KHDRBS2: variants seen among roughly 807,000 people sequenced by gnomAD.
The protein encoded by KHDRBS2 is KH domain-containing, RNA-binding, signal transduction-associated protein 2.
In KHDRBS2, 26 loss-of-function variants were observed where a neutral mutation model predicts 44.3. The ratio of observed to expected loss-of-function variants is 0.59; its 90% CI spans 0.43 to 0.81. KHDRBS2 has a LOEUF of 0.81. Ranked by LOEUF, KHDRBS2 falls within the 40% of genes least tolerant of loss-of-function variation. KHDRBS2 has a pLI of 0.00. For missense variants in KHDRBS2, 476 were observed against 433.1 expected, an observed-to-expected ratio of 1.10 and a Z score of -0.88; for synonymous variants, 194 against 151.1, an observed-to-expected ratio of 1.28 and a Z score of -2.08.
chr6:61,645,310 T>C, the KHDRBS2 span, among the ~76,000 whole-genome samples: 3 of 151,910 alleles, frequency 2.0e-5, no homozygotes, highest in South Asian at 2.1e-4. Flanking sequence ...TTAGGGTCTA[T>C]CAGAGGGTGG....
At chr6:61,939,094 C>G (rs567599238) in intron 4 of KHDRBS2, among the ~76,000 whole-genome samples, 28 of 150,952 alleles carry the variant, frequency 1.9e-4, no homozygotes, top group Non-Finnish European at 4.4e-5. Context: ...ATGCTGCTAA[C>G]ATAGCCTACA....
chr6:62,166,104 A>G (rs926696387), intron 2 of KHDRBS2, among the ~76,000 whole-genome samples: 1 of 151,990 alleles, frequency 6.6e-6, no homozygotes, highest in Non-Finnish European at 1.5e-5. Flanking sequence ...AATGTGTTCA[A>G]TGTTCATCTA....
intron 3 of KHDRBS2, among the ~76,000 whole-genome samples, chr6:61,979,349 A>G (rs1419792784): frequency 2.0e-5 from 3 of 152,158 alleles, no homozygotes; most frequent in African/African-American, 7.2e-5. Flanking sequence ...ACTTCACTAA[A>G]TTTCAAAAAA....
chr6:61,919,721 A>G (rs964894435), intron 4 of KHDRBS2, among the ~76,000 whole-genome samples: 2 of 151,730 alleles, frequency 1.3e-5, no homozygotes, highest in Admixed American at 1.3e-4. Context: ...AAACCTGAAG[A>G]ACAACAACAA....
intron 6 of KHDRBS2, among the ~76,000 whole-genome samples, chr6:61,755,990 T>C (rs1778432742): frequency 6.6e-6 from 1 of 152,072 alleles, no homozygotes; most frequent in South Asian, 2.1e-4. Flanking sequence ...TTCCAGTTCA[T>C]GTATTGCTTT....
At chr6:62,051,251 A>T (rs180865676) in intron 2 of KHDRBS2, among the ~76,000 whole-genome samples, 3 of 152,200 alleles carry the variant, frequency 2.0e-5, no homozygotes, top group Admixed American at 2.0e-4. Flanking sequence ...TTGTATGCAA[A>T]TAGCATTTTA....
At chr6:62,140,656 A>T (rs2150097748) in intron 2 of KHDRBS2, among the ~76,000 whole-genome samples, 2 of 152,326 alleles carry the variant, frequency 1.3e-5, no homozygotes, top group Middle Eastern at 6.8e-3. Context: ...TCTAAAAGAG[A>T]TGTTCAAAAA....
intron 4 of KHDRBS2, among the ~76,000 whole-genome samples, chr6:61,953,642 A>G (rs545146479): frequency 4.1e-4 from 62 of 152,208 alleles, no homozygotes; most frequent in African/African-American, 1.4e-3. Flanking sequence ...AAAAATGAAG[A>G]TCTCTTTTCA....
At chr6:62,101,047 T>A (rs1801765433) in intron 2 of KHDRBS2, among the ~76,000 whole-genome samples, 1 of 152,138 alleles carries the variant, frequency 6.6e-6, no homozygotes, top group African/African-American at 2.4e-5. Context: ...TTTTAAACTC[T>A]TTTTTACAGC....
At chr6:61,592,503 G>A in the KHDRBS2 span, among the ~76,000 whole-genome samples, 7 of 152,172 alleles carry the variant, frequency 4.6e-5, no homozygotes, top group African/African-American at 1.4e-4. Context: ...CCTAGATCTC[G>A]ATAAAGGGGC....
chr6:61,993,026 G>A (rs578009404), intron 3 of KHDRBS2, among the ~76,000 whole-genome samples: 1 of 152,124 alleles, frequency 6.6e-6, no homozygotes, highest in Non-Finnish European at 1.5e-5. Flanking sequence ...CCAGGAAACT[G>A]ATATGATATT....
At chr6:61,910,593 G>T (rs976838145) in intron 4 of KHDRBS2, among the ~76,000 whole-genome samples, 3 of 152,136 alleles carry the variant, frequency 2.0e-5, no homozygotes, top group African/African-American at 7.2e-5. Flanking sequence ...TAGACATTTT[G>T]CAGGAAGATT....
the KHDRBS2 span, among the ~76,000 whole-genome samples, chr6:61,582,321 C>A: frequency 6.6e-6 from 1 of 151,082 alleles, no homozygotes; most frequent in South Asian, 2.1e-4. Context: ...CCTAGCAGGC[C>A]CATAGAAGAG....
chr6:61,969,385 T>C (rs1215881683), intron 4 of KHDRBS2, among the ~76,000 whole-genome samples: 18 of 152,058 alleles, frequency 1.2e-4, no homozygotes. Flanking sequence ...TTATAAAATA[T>C]GTTTTATGCA....
At chr6:61,981,322 A>T (rs1438784731) in intron 3 of KHDRBS2, among the ~76,000 whole-genome samples, 2 of 152,194 alleles carry the variant, frequency 1.3e-5, no homozygotes, top group Admixed American at 6.5e-5. Context: ...AGAAATTATA[A>T]AACTTTTTCT....
intron 4 of KHDRBS2, among the ~76,000 whole-genome samples, chr6:61,953,604 C>T (rs1254516744): frequency 6.6e-6 from 1 of 152,060 alleles, no homozygotes; most frequent in Non-Finnish European, 1.5e-5. Flanking sequence ...TTAAGTATAG[C>T]TCTCTGAAAC....
chr6:61,794,467 T>C (rs1785040614), intron 6 of KHDRBS2, among the ~76,000 whole-genome samples: 1 of 152,220 alleles, frequency 6.6e-6, no homozygotes, highest in Non-Finnish European at 1.5e-5. Context: ...TTTGTACGTT[T>C]TAGTGGTGGA....
intron 2 of KHDRBS2, among the ~76,000 whole-genome samples, chr6:62,104,012 G>T (rs1802537567): frequency 6.6e-6 from 1 of 152,104 alleles, no homozygotes; most frequent in South Asian, 2.1e-4. Context: ...GGGAAATACA[G>T]ATATACATAA....
intron 8 of KHDRBS2, among the ~76,000 whole-genome samples, chr6:61,693,832 C>T (rs1029034671): frequency 2.0e-5 from 3 of 152,210 alleles, no homozygotes; most frequent in East Asian, 3.9e-4. Flanking sequence ...ATATAAGACT[C>T]GGGATTATAG....
Sources: gnomAD v4.1 joint callset for allele counts (sites outside exome capture counted in the v4.1 genomes callset) on GRCh38, gnomAD v4.1.1 for gene constraint, MANE v1.5 for transcripts, NCBI Gene and HGNC (gene_info 2026-07-23, HGNC 2026-07-21) for gene names.